The following PTPRN2 variants were observed in gnomAD, a reference collection of about 807,000 sequenced individuals.
The protein encoded by PTPRN2 is receptor-type tyrosine-protein phosphatase N2.
A neutral mutation model predicts 118.8 loss-of-function variants in PTPRN2; 74 were observed. The ratio of observed to expected loss-of-function variants is 0.62; its 90% CI spans 0.52 to 0.76. PTPRN2 has a LOEUF of 0.76. Ranked by LOEUF, PTPRN2 falls within the 30% of genes least tolerant of loss-of-function variation. The pLI is 0.00. For missense variants in PTPRN2, 1,481 were observed against 1,394.4 expected (o/e 1.06, Z -0.99); for synonymous variants, 641 against 608.0 (o/e 1.05, Z -0.80).
chr7:158,238,627 C>T (rs1010367673), intron 3 of PTPRN2, among the ~76,000 whole-genome samples: 3 of 152,144 alleles, frequency 2.0e-5, no homozygotes, highest in Non-Finnish European at 2.9e-5. Flanking sequence ...GGGAACTTCC[C>T]AGGTCATGTT....
At position 157,777,577 on chromosome 7, in the gene PTPRN2, C is replaced by T. The variant is rs371397883; in HGVS notation, c.1789-94640G>A. Among the ~76,000 whole-genome samples the T allele has an allele frequency of 6.5e-4, 99 of 152,390 alleles. No individual in the cohort carries two copies. The South Asian group carries it at 0.014, about 22-fold the overall frequency. On this transcript the variant is annotated intron_variant, in intron 12 of 22. Coordinates refer to ENST00000389418, the MANE Select transcript of PTPRN2 (RefSeq NM_002847.5). ...AGATCCTGCCTGTCATGTCCTGTCC[C>T]CCGGACACTATGAAAGGGCAGTCCC...
At chr7:158,272,839 G>T (rs1407500843) in intron 3 of PTPRN2, among the ~76,000 whole-genome samples, 1 of 152,234 alleles carries the variant, frequency 6.6e-6, no homozygotes, top group Non-Finnish European at 1.5e-5. Flanking sequence ...GGAAGGCTGA[G>T]TGGATGGAAG....
chr7:158,238,260 A>G (rs1023134803), intron 3 of PTPRN2, among the ~76,000 whole-genome samples: 5 of 151,992 alleles, frequency 3.3e-5, no homozygotes, highest in Admixed American at 3.3e-4. Context: ...GGGCCTGGAG[A>G]GGAGCCCAGC....
At chr7:157,810,622 C>A (rs1254460193) in intron 12 of PTPRN2, among the ~76,000 whole-genome samples, 1 of 116,710 alleles carries the variant, frequency 8.6e-6, no homozygotes, top group Non-Finnish European at 1.7e-5. Flanking sequence ...GGGGGCTGGG[C>A]TCTCCATGGG....
chr7:157,656,239 G>T, intron 14 of PTPRN2, 118 bp downstream of exon 14: 1 of 1,060,994 alleles, frequency 9.4e-7, no homozygotes, highest in Non-Finnish European at 1.3e-6. Context: ...AGCGGGCAGG[G>T]TGCAGCCATC....
At position 158,541,736 on chromosome 7, in the gene PTPRN2, G is replaced by A. The variant is rs1351706543; in HGVS notation, c.112+45822C>T. ...TTAAAACACTTGCTTAAAGCTTGCC[G>A]CAGCTCAGAACCCAAAAGGGCTGCG... is the stretch of plus-strand genomic sequence containing the variant. On this transcript the variant is annotated intron_variant, in intron 1 of 22. Coordinates refer to ENST00000389418, the MANE Select transcript of PTPRN2 (RefSeq NM_002847.5). The A allele has an allele frequency of 1.3e-5, 16 of 1,207,160 alleles. No homozygotes were observed. In the South Asian group the frequency reaches 1.4e-4, roughly 10 times the overall value. 74.8% of individuals were successfully genotyped at this position (1,207,160 alleles called of 1,614,324 possible). A position where few individuals can be genotyped will look rare whatever the true frequency, so the allele number is the denominator to read the frequency against.
chr7:158,420,644 T>C (rs577832929), intron 2 of PTPRN2, among the ~76,000 whole-genome samples: 1 of 152,336 alleles, frequency 6.6e-6, no homozygotes, highest in African/African-American at 2.4e-5. Context: ...ACCCAAGCTG[T>C]CATGGCTGTG....
intron 5 of PTPRN2, among the ~76,000 whole-genome samples, chr7:158,177,886 G>A (rs1044829306): frequency 1.3e-5 from 2 of 152,180 alleles, no homozygotes; most frequent in Admixed American, 1.3e-4. Context: ...AGTAGAAGTG[G>A]GATGGAGGGA....
At chr7:158,271,520 G>A (rs1033048799) in intron 3 of PTPRN2, among the ~76,000 whole-genome samples, 8 of 152,150 alleles carry the variant, frequency 5.3e-5, no homozygotes, top group African/African-American at 1.9e-4. Flanking sequence ...ACGGGACGGG[G>A]GCAACACAGC....
intron 1 of PTPRN2, among the ~76,000 whole-genome samples, chr7:158,502,714 G>A (rs536665239): frequency 6.6e-6 from 1 of 152,376 alleles, no homozygotes; most frequent in African/African-American, 2.4e-5. Context: ...ATAGAAAATA[G>A]ATTCTTTTCT....
chr7:157,877,078 C>A (rs1400569507), intron 12 of PTPRN2, among the ~76,000 whole-genome samples: 3 of 151,290 alleles, frequency 2.0e-5, no homozygotes, highest in Non-Finnish European at 4.4e-5. Context: ...TCCTCGGGGA[C>A]CCCGGGTGCA....
intron 11 of PTPRN2, among the ~76,000 whole-genome samples, chr7:157,991,341 C>G (rs774269581): frequency 2.9e-4 from 44 of 152,228 alleles, no homozygotes; most frequent in Non-Finnish European, 5.0e-4. Flanking sequence ...TCTGAGGTTT[C>G]CTTTTCCTAA....
intron 11 of PTPRN2, among the ~76,000 whole-genome samples, chr7:157,969,549 C>T (rs1802175586): frequency 6.6e-6 from 1 of 152,060 alleles, no homozygotes; most frequent in Non-Finnish European, 1.5e-5. Flanking sequence ...GCCTGGGTTT[C>T]ATCAGAACCT....
chr7:157,898,899 C>A (rs940379900), intron 11 of PTPRN2, among the ~76,000 whole-genome samples, 162 bp from the exon 12 acceptor site: 2 of 152,164 alleles, frequency 1.3e-5, no homozygotes, highest in East Asian at 1.9e-4. Context: ...AGAACCTGCA[C>A]GAGGCCCCAT....
intron 1 of PTPRN2, among the ~76,000 whole-genome samples, chr7:158,494,355 G>A (rs1821675543): frequency 6.6e-6 from 1 of 152,250 alleles, no homozygotes; most frequent in African/African-American, 2.4e-5. Context: ...CTTCTCGCCT[G>A]ACTGCCATGA....
intron 12 of PTPRN2, among the ~76,000 whole-genome samples, chr7:157,876,069 C>T (rs1002202605): frequency 1.3e-5 from 2 of 152,230 alleles, no homozygotes; most frequent in African/African-American, 2.4e-5. Flanking sequence ...CCATCTGGGG[C>T]AGCACCTGCA....
In PTPRN2 at chr7:158,525,392, C is replaced by T. The variant is rs568909156; in HGVS notation, c.113-35607G>A. ...GCTAGGCCCCAGGGGCCATGGGCTA[C>T]GCACGGGCCAGGTTTCCAGCCTGCC... On this transcript the variant is annotated intron_variant, in intron 1 of 22. Transcript: ENST00000389418. The surrounding 1 kb of genome is among the most constrained non-coding windows in gnomAD (Gnocchi z 4.1). 5.5e-4 allele frequency among the ~76,000 whole-genome samples: 84 copies of T among 152,306 alleles called. No individual in the cohort carries two copies. Among genetic ancestry groups the T allele is most frequent in the Non-Finnish European group, 8.2e-4 (56 of 68,026 alleles).
At chr7:158,106,945 G>A (rs1410966015) in intron 10 of PTPRN2, among the ~76,000 whole-genome samples, 3 of 152,122 alleles carry the variant, frequency 2.0e-5, no homozygotes, top group South Asian at 2.1e-4. Context: ...TTCAGGTCTT[G>A]GGAGCTTCTT....
chr7:157,548,878 T>C, intron 22 of PTPRN2, 68 bp downstream of exon 22: 2 of 1,479,452 alleles, frequency 1.4e-6, no homozygotes, highest in Non-Finnish European at 1.9e-6. Context: ...CCCGTGCTCC[T>C]CTCAGGAACA....
Sources: gnomAD v4.1 joint callset for allele counts (sites outside exome capture counted in the v4.1 genomes callset) on GRCh38, gnomAD v4.1.1 for gene constraint, Gnocchi (gnomAD v3.1) non-coding constraint, MANE v1.5 for transcripts, NCBI Gene and HGNC (gene_info 2026-07-23, HGNC 2026-07-21) for gene names.